KLHL25: variants seen among roughly 807,000 people sequenced by gnomAD.
KLHL25 encodes kelch-like protein 25.
A neutral mutation model predicts 30.0 loss-of-function variants in KLHL25; 41 were observed. That is an observed-to-expected ratio of 1.37 (90% CI 1.07 to 1.78). The LOEUF (loss-of-function observed/expected upper bound fraction) is 1.78, where lower values mean the gene tolerates loss of function less well. KLHL25 is among the 40% of genes most tolerant of loss of function. KLHL25 has a pLI of 0.00. For synonymous variants in KLHL25, 399 were observed against 355.3 expected (o/e 1.12, Z -1.38); for missense variants, 971 against 824.5 (o/e 1.18, Z -2.18).
At chr15:85,786,032 T>C (rs2089778975) in intron 1 of KLHL25, among the ~76,000 whole-genome samples, 1 of 136,208 alleles carries the variant, frequency 7.3e-6, no homozygotes, top group African/African-American at 2.7e-5. Context: ...ACTCTCTTAA[T>C]GAAACACCCA....
chr15:85,762,994 G>GCAGCC (rs572157415), intron 2 of KLHL25: 14,405 of 152,294 alleles, frequency 0.095, 834 homozygotes, highest in East Asian at 0.21. Flanking sequence ...CAAGCTGTCG[G>GCAGCC]CAGCCGGATG....
intron 1 of KLHL25, among the ~76,000 whole-genome samples, chr15:85,775,682 G>A (rs1234146018): frequency 6.6e-6 from 1 of 151,976 alleles, no homozygotes; most frequent in Non-Finnish European, 1.5e-5. Flanking sequence ...AGCAGTGGCA[G>A]GAAAGGAGAT....
intron 2 of KLHL25, chr15:85,762,449 GGGTCCCTTTGTTCCCTCTCAGGCT>G (rs2089589436): frequency 1.4e-4 from 1 of 7,316 alleles, no homozygotes; most frequent in Non-Finnish European, 6.1e-4. Context: ...CTCTCAGGCT[GGGTCCCTTTGTTCCCTCTCAGGCT>G]GGGTCCCTTT....
At chr15:85,761,207 C>A (rs2089580102) in intron 2 of KLHL25, 196 bp from the exon 3 acceptor site, 3 of 152,258 alleles carry the variant, frequency 2.0e-5, no homozygotes, top group Admixed American at 2.0e-4. Context: ...TGGCAGGTGA[C>A]TCAGGTGTCA....
Position 85,768,678 on chromosome 15 carries a change from C to G in KLHL25, c.1133G>C (p.Arg378Pro). ...WSKAAPMLIA[R>P]FGHGSAELEN... ...CAGCTCAGCTGAGCCATGGCCAAAG[C>G]GGGCAATCAGCATGGGCGCCGCCTT... is the stretch of plus-strand genomic sequence containing the variant. Residue 378 changes from arginine to proline, a missense_variant, in exon 2 of 3, where the codon CGC (arginine) becomes CCC (proline). Coordinates refer to ENST00000337975, the MANE Select transcript of KLHL25 (RefSeq NM_022480.4). The G allele has an allele frequency of 6.2e-7, 1 of 1,613,224 alleles. No homozygotes were observed.
intron 1 of KLHL25, among the ~76,000 whole-genome samples, chr15:85,784,232 C>A (rs911169789): frequency 1.3e-5 from 2 of 152,096 alleles, no homozygotes; most frequent in Admixed American, 1.3e-4. Context: ...CAATAAGCCC[C>A]TTAAAAGCAG....
intron 1 of KLHL25, among the ~76,000 whole-genome samples, chr15:85,787,986 C>T (rs757764747): frequency 5.2e-5 from 7 of 133,458 alleles, no homozygotes; most frequent in African/African-American, 1.1e-4. Context: ...TGCTTGAACC[C>T]GGGAAGCGGA....
At chr15:85,784,074 G>A (rs139398198) in intron 1 of KLHL25, among the ~76,000 whole-genome samples, 21 of 152,328 alleles carry the variant, frequency 1.4e-4, no homozygotes, top group African/African-American at 4.8e-4. Context: ...TGTTATTGAT[G>A]CAGGTCCATG....
At position 85,779,188 on chromosome 15, in the gene KLHL25, C is replaced by T. The variant is rs115174539; in HGVS notation, c.-10-9368G>A. 2.7e-3 allele frequency among the ~76,000 whole-genome samples: 416 copies of T among 152,226 alleles called. 1 individual carries two copies. Among genetic ancestry groups the T allele is most frequent in the African/African-American group, 9.7e-3 (403 of 41,532 alleles). The stretch of plus-strand genomic sequence containing the variant: ...TGCAGCCATGGATGGGCAGCACCTG[C>T]CTTTCTGCCCAGCGTCCTGTCTTTT... On this transcript the variant is annotated intron_variant, in intron 1 of 2. Coordinates refer to ENST00000337975, the MANE Select transcript of KLHL25 (RefSeq NM_022480.4).
At chr15:85,767,223 T>C (rs1480038297) in intron 2 of KLHL25, among the ~76,000 whole-genome samples, 1 of 152,126 alleles carries the variant, frequency 6.6e-6, no homozygotes, top group African/African-American at 2.4e-5. Flanking sequence ...TCTCCTGACC[T>C]CATGATCTGC....
In KLHL25 at chr15:85,768,139, A is replaced by G. The variant is rs775223410; in HGVS notation, c.1672T>C (p.Tyr558His). The G allele has an allele frequency of 1.9e-6, 3 of 1,614,256 alleles. No individual in the cohort carries two copies. The highest frequency in any genetic ancestry group is 2.5e-6 in the Non-Finnish European group (3 of 1,180,048). The change falls in exon 2 of 3, where the codon TAT becomes CAT. Residue 558 changes from tyrosine to histidine, a missense_variant. Coordinates refer to ENST00000337975, the MANE Select transcript of KLHL25 (RefSeq NM_022480.4). Reference protein sequence around the residue: ...GTQRCKTLDCYDPTSDTWNCI... With the variant: ...GTQRCKTLDCHDPTSDTWNCI... ...TTCCATGTATCTGAAGTGGGGTCAT[A>G]GCAGTCCAGAGTCTTACACCTCTGG...
chr15:85,782,077 A>C (rs2089747196), intron 1 of KLHL25, among the ~76,000 whole-genome samples: 1 of 151,770 alleles, frequency 6.6e-6, no homozygotes, highest in Admixed American at 6.6e-5. Flanking sequence ...TTGGGTTTGC[A>C]GAGGACAGGC....
intron 1 of KLHL25, among the ~76,000 whole-genome samples, chr15:85,773,815 G>T (rs576475802): frequency 5.9e-5 from 9 of 152,190 alleles, no homozygotes; most frequent in African/African-American, 2.2e-4. Flanking sequence ...CTGCGCAGAG[G>T]GCCAAGTGGA....
At chr15:85,776,671 A>G (rs931011055) in intron 1 of KLHL25, among the ~76,000 whole-genome samples, 12 of 152,084 alleles carry the variant, frequency 7.9e-5, no homozygotes, top group African/African-American at 2.9e-4. Flanking sequence ...CACGCCTGTA[A>G]TACCAGCACT....
rs200331336 is a variant in KLHL25, at chr15:85,772,313, A to G, written c.-10-2493T>C. On this transcript the variant is annotated intron_variant, in intron 1 of 2. Transcript: ENST00000337975. The stretch of plus-strand genomic sequence containing the variant: ...GATGCTGAGGTTTGGCTTCAGTTCC[A>G]TTGTCAACACACTTGTGCTTCCAAG... Among the ~76,000 whole-genome samples, 27 of 152,226 alleles carry G rather than the reference A, an allele frequency of 1.8e-4. No individual in the cohort carries two copies. The East Asian group carries it at 2.5e-3, about 14-fold the overall frequency.
chr15:85,774,779 C>G (rs954694272), intron 1 of KLHL25, among the ~76,000 whole-genome samples: 19 of 152,086 alleles, frequency 1.2e-4, no homozygotes, highest in Non-Finnish European at 2.1e-4. Context: ...ATGAACAGCT[C>G]AAATTATCTC....
intron 1 of KLHL25, among the ~76,000 whole-genome samples, chr15:85,774,247 G>A (rs780754675): frequency 2.0e-5 from 3 of 152,106 alleles, no homozygotes; most frequent in East Asian, 1.9e-4. Context: ...CCTAAGCGTC[G>A]TCCTGAGCTT....
At chr15:85,790,564 T>G (rs1042540245) in intron 1 of KLHL25, among the ~76,000 whole-genome samples, 2 of 152,168 alleles carry the variant, frequency 1.3e-5, no homozygotes, top group African/African-American at 4.8e-5. Flanking sequence ...GGAGAGCAAA[T>G]TGAGGCTCAC....
At chr15:85,783,875 C>T (rs969715935) in intron 1 of KLHL25, among the ~76,000 whole-genome samples, 1 of 152,130 alleles carries the variant, frequency 6.6e-6, no homozygotes, top group African/African-American at 2.4e-5. Flanking sequence ...CCATTGCTAC[C>T]TGTAAAACTG....
Sources: allele counts gnomAD v4.1 joint callset (sites outside exome capture counted in the v4.1 genomes callset), GRCh38; gene constraint gnomAD v4.1.1; transcripts MANE v1.5; gene names NCBI Gene and HGNC (gene_info 2026-07-23, HGNC 2026-07-21).